Variants in ATXN7L1 observed in about 807,000 individuals in gnomAD.
The protein encoded by ATXN7L1 is ataxin 7 like 1, also known as ataxin-7-like protein 1.
Under a neutral mutation model 70.8 loss-of-function variants are expected in ATXN7L1, and 15 were observed. The ratio of observed to expected loss-of-function variants is 0.21; its 90% CI spans 0.14 to 0.33. The LOEUF (loss-of-function observed/expected upper bound fraction) is 0.33, where lower values mean the gene tolerates loss of function less well. Ranked by LOEUF, ATXN7L1 falls within the 10% of genes least tolerant of loss-of-function variation. The pLI is 1.00. For missense variants in ATXN7L1, 975 were observed against 1,097.1 expected, an observed-to-expected ratio of 0.89 and a Z score of 1.57; for synonymous variants, 440 against 445.1, an observed-to-expected ratio of 0.99 and a Z score of 0.14.
intron 3 of ATXN7L1, among the ~76,000 whole-genome samples, chr7:105,722,676 C>T (rs1475928120): frequency 9.9e-5 from 14 of 141,142 alleles, no homozygotes; most frequent in Admixed American, 3.7e-4. Context: ...GTCAGGAGTT[C>T]GAGACCAATC....
chr7:105,861,452 T>A lies in ATXN7L1; in HGVS notation c.250+14360A>T, dbSNP rs542767925. Among the ~76,000 whole-genome samples the A allele has an allele frequency of 4.8e-5, 7 of 146,666 alleles. No individual in the cohort carries two copies. In the South Asian group the frequency reaches 1.6e-3, roughly 33 times the overall value. ...GAGAGAGATGGAGAGGTGCAGGGAA[T>A]TGCTAAGATGGGAGGGAGGGAGGAG... On this transcript the variant is annotated intron_variant, in intron 2 of 11. Coordinates refer to ENST00000419735, the MANE Select transcript of ATXN7L1 (RefSeq NM_020725.2).
intron 5 of ATXN7L1, among the ~76,000 whole-genome samples, chr7:105,640,031 C>T (rs1327873021): frequency 1.3e-5 from 2 of 152,230 alleles, no homozygotes; most frequent in Admixed American, 1.3e-4. Flanking sequence ...ACCCTGACTC[C>T]AGCTCCTGCC....
Position 105,614,334 on chromosome 7 carries a change from G to A in ATXN7L1, c.2000C>T (p.Ser667Leu), listed in dbSNP as rs571544982. The A allele has an allele frequency of 3.8e-5, 59 of 1,552,400 alleles. No homozygotes were observed. In the Middle Eastern group the frequency reaches 5.0e-4, roughly 13 times the overall value. ...SSSSSLQTSL[S>L]SPLSGPHKKN... Reference sequence around the variant, plus strand: ...TTTGTGAGGCCCTGACAGTGGAGACGAGAGGGATGTCTGCAAGGAAGAGGA... The same window carrying A: ...TTTGTGAGGCCCTGACAGTGGAGACAAGAGGGATGTCTGCAAGGAAGAGGA... The change falls in exon 10 of 12, where the codon TCG becomes TTG. Residue 667 changes from serine (S) to leucine (L), a missense_variant. Ser to Leu is a moderately radical substitution (Grantham distance 145). This residue lies in a region of ATXN7L1 where 635 missense variants were observed against 699.4 expected (regional missense o/e 0.91). Coordinates refer to ENST00000419735, the MANE Select transcript of ATXN7L1 (RefSeq NM_020725.2). This position sits in a 1 kb window ranked among gnomAD's most constrained non-coding sequence, Gnocchi z 4.3.
At chr7:105,833,964 T>C (rs1389181385) in intron 2 of ATXN7L1, among the ~76,000 whole-genome samples, 3 of 152,236 alleles carry the variant, frequency 2.0e-5, no homozygotes, top group Non-Finnish European at 2.9e-5. Context: ...AATTCGGATA[T>C]TGATTACAGT....
intron 2 of ATXN7L1, 33 bp downstream of exon 2, chr7:105,875,779 T>G: frequency 6.3e-7 from 1 of 1,581,914 alleles, no homozygotes; most frequent in Non-Finnish European, 8.7e-7. Flanking sequence ...CTGCCACACA[T>G]GCTAACACTA....
chr7:105,664,871 T>G (rs559006852), intron 4 of ATXN7L1, among the ~76,000 whole-genome samples, 195 bp downstream of exon 4: 1 of 152,198 alleles, frequency 6.6e-6, no homozygotes, highest in African/African-American at 2.4e-5. Flanking sequence ...TATGGTACTC[T>G]TAAGGTCCCA....
At chr7:105,858,753 T>C (rs1010161920) in intron 2 of ATXN7L1, among the ~76,000 whole-genome samples, 2 of 152,054 alleles carry the variant, frequency 1.3e-5, no homozygotes, top group Middle Eastern at 3.2e-3. Context: ...CCAATGATAC[T>C]TAAGCTCAAA....
chr7:105,679,051 C>T, intron 3 of ATXN7L1: 1 of 985,160 alleles, frequency 1.0e-6, no homozygotes, highest in Non-Finnish European at 1.2e-6. Flanking sequence ...CTCACACTTA[C>T]ACATCCCGGG....
intron 3 of ATXN7L1, among the ~76,000 whole-genome samples, chr7:105,724,706 C>A (rs1258656371): frequency 6.6e-6 from 1 of 151,948 alleles, no homozygotes; most frequent in Non-Finnish European, 1.5e-5. Flanking sequence ...CTGTTGTCAC[C>A]AGTGATCTTC....
intron 2 of ATXN7L1, among the ~76,000 whole-genome samples, chr7:105,853,527 C>T (rs1815216673): frequency 6.6e-6 from 1 of 151,932 alleles, no homozygotes; most frequent in African/African-American, 2.4e-5. Flanking sequence ...ACACTCCAGC[C>T]TGGGTGACAG....
intron 2 of ATXN7L1, among the ~76,000 whole-genome samples, chr7:105,872,776 T>A (rs923213738): frequency 1.3e-4 from 19 of 151,868 alleles, no homozygotes; most frequent in African/African-American, 4.6e-4. Flanking sequence ...AAGTACTTAG[T>A]GCCACTGAAT....
intron 2 of ATXN7L1, among the ~76,000 whole-genome samples, chr7:105,828,515 A>G (rs2116580710): frequency 6.6e-6 from 1 of 152,322 alleles, no homozygotes; most frequent in East Asian, 1.9e-4. Context: ...AAACCAGGTA[A>G]ATATGGTCAG....
At chr7:105,686,516 C>T (rs1033459102) in intron 3 of ATXN7L1, among the ~76,000 whole-genome samples, 8 of 152,054 alleles carry the variant, frequency 5.3e-5, no homozygotes, top group African/African-American at 1.9e-4. Context: ...AAGTCCATCT[C>T]AAAACAAACA....
chr7:105,760,181 C>G, intron 3 of ATXN7L1: 1 of 983,008 alleles, frequency 1.0e-6, no homozygotes, highest in Non-Finnish European at 1.2e-6. Context: ...GTCCATCTAT[C>G]CAACCATCCA....
chr7:105,790,151 C>T (rs1191427643), intron 2 of ATXN7L1, among the ~76,000 whole-genome samples: 1 of 152,030 alleles, frequency 6.6e-6, no homozygotes, highest in Non-Finnish European at 1.5e-5. Context: ...GGTTGGGGGG[C>T]CTGGAGGAAT....
chr7:105,761,360 C>T (rs761061215), intron 3 of ATXN7L1: 2 of 1,613,956 alleles, frequency 1.2e-6, no homozygotes, highest in Non-Finnish European at 1.7e-6. Flanking sequence ...TTGTACGTCT[C>T]TTCTGCGTTT....
chr7:105,714,107 C>T (rs1794244375), intron 3 of ATXN7L1, among the ~76,000 whole-genome samples: 1 of 152,258 alleles, frequency 6.6e-6, no homozygotes, highest in African/African-American at 2.4e-5. Flanking sequence ...ATAGTAGCTG[C>T]TCTTTAAATC....
At chr7:105,870,686 G>A (rs745458436) in intron 2 of ATXN7L1, among the ~76,000 whole-genome samples, 2 of 152,208 alleles carry the variant, frequency 1.3e-5, no homozygotes, top group Non-Finnish European at 2.9e-5. Context: ...ATCACTGAGA[G>A]CTTTTCCCTA....
At chr7:105,703,640 C>T (rs1254185293) in intron 3 of ATXN7L1, among the ~76,000 whole-genome samples, 1 of 152,196 alleles carries the variant, frequency 6.6e-6, no homozygotes, top group African/African-American at 2.4e-5. Flanking sequence ...AGACACTACC[C>T]ACCCTTGTAT....
Sources: gnomAD v4.1 joint callset for allele counts (sites outside exome capture counted in the v4.1 genomes callset) on GRCh38, gnomAD v4.1.1 for gene constraint, gnomAD v4.1.1 regional missense constraint, Gnocchi (gnomAD v3.1) non-coding constraint, MANE v1.5 for transcripts, NCBI Gene and HGNC (gene_info 2026-07-23, HGNC 2026-07-21) for gene names.